ZHX2: variants seen among roughly 807,000 people sequenced by gnomAD.
ZHX2 encodes the protein zinc fingers and homeoboxes 2.
A neutral mutation model predicts 21.9 loss-of-function variants in ZHX2; 6 were observed. That is an observed-to-expected ratio of 0.27 (90% CI 0.15 to 0.54). The LOEUF (loss-of-function observed/expected upper bound fraction) is 0.54, where lower values mean the gene tolerates loss of function less well. Among genes scored for constraint, ZHX2 ranks in the 20% least tolerant of loss-of-function variants. The pLI, the probability that ZHX2 is intolerant of heterozygous loss-of-function variation, is 0.95. For synonymous variants in ZHX2, 434 were observed against 437.1 expected (o/e 0.99, Z 0.09); for missense variants, 908 against 1,090.7 (o/e 0.83, Z 2.36).
intron 2 of ZHX2, among the ~76,000 whole-genome samples, chr8:122,911,470 G>T (rs1016980979): frequency 3.9e-5 from 6 of 152,188 alleles, no homozygotes; most frequent in Non-Finnish European, 8.8e-5. Context: ...GGCAGGAGGG[G>T]AGACTGCTCT....
At chr8:122,834,308 G>A (rs1818449496) in intron 1 of ZHX2, among the ~76,000 whole-genome samples, 2 of 152,208 alleles carry the variant, frequency 1.3e-5, no homozygotes, top group Admixed American at 6.5e-5. Context: ...GGTTTTGGCC[G>A]GCTCCGGAAG....
intron 1 of ZHX2, among the ~76,000 whole-genome samples, chr8:122,791,225 C>T (rs371785861): frequency 1.3e-5 from 2 of 152,334 alleles, no homozygotes; most frequent in African/African-American, 4.8e-5. Flanking sequence ...TTGGATGCTC[C>T]AAATATCCTC....
intron 1 of ZHX2, among the ~76,000 whole-genome samples, chr8:122,809,478 C>T (rs1817883240): frequency 6.7e-6 from 1 of 149,790 alleles, no homozygotes; most frequent in African/African-American, 2.5e-5. Flanking sequence ...CCAGCCTGGG[C>T]AACAGAGTGA....
chr8:122,878,478 C>G (rs969600939), intron 2 of ZHX2, among the ~76,000 whole-genome samples: 4 of 152,094 alleles, frequency 2.6e-5, no homozygotes, highest in Non-Finnish European at 4.4e-5. Context: ...ACTGGGATGA[C>G]AGGGGTGAGT....
chr8:122,876,968 A>G (rs1819589040), intron 2 of ZHX2, among the ~76,000 whole-genome samples: 1 of 152,216 alleles, frequency 6.6e-6, no homozygotes, highest in African/African-American at 2.4e-5. Context: ...AGGCTACTCT[A>G]TGGTAACCTC....
At chr8:122,849,377 C>T (rs1215131796) in intron 1 of ZHX2, among the ~76,000 whole-genome samples, 1 of 152,180 alleles carries the variant, frequency 6.6e-6, no homozygotes, top group African/African-American at 2.4e-5. Context: ...TATTAGTTTC[C>T]TGGGGTTGCT....
At chr8:122,890,153 T>A (rs1819943524) in intron 2 of ZHX2, among the ~76,000 whole-genome samples, 3 of 152,182 alleles carry the variant, frequency 2.0e-5, no homozygotes, top group Admixed American at 2.0e-4. Flanking sequence ...GAGATAGGGA[T>A]CTAGTTTCAT....
At chr8:122,796,749 AG>A (rs946524535) in intron 1 of ZHX2, among the ~76,000 whole-genome samples, 1 of 152,218 alleles carries the variant, frequency 6.6e-6, no homozygotes, top group African/African-American at 2.4e-5. Flanking sequence ...GTGGTGGCTT[AG>A]GGACCTTGCT....
At chr8:122,922,532 A>G (rs770691782) in intron 2 of ZHX2, among the ~76,000 whole-genome samples, 1 of 152,170 alleles carries the variant, frequency 6.6e-6, no homozygotes, top group Non-Finnish European at 1.5e-5. Flanking sequence ...GGAACCTTCA[A>G]TGTTTGCCAA....
chr8:122,955,739 C>T (rs1434736896), intron 3 of ZHX2, among the ~76,000 whole-genome samples: 1 of 151,948 alleles, frequency 6.6e-6, no homozygotes, highest in Non-Finnish European at 1.5e-5. Flanking sequence ...GTCACAATGA[C>T]AGCAACTTCC....
chr8:122,839,087 G>C (rs1039321602), intron 1 of ZHX2, among the ~76,000 whole-genome samples: 8 of 151,808 alleles, frequency 5.3e-5, no homozygotes, highest in African/African-American at 1.7e-4. Context: ...TATGATTATA[G>C]AAGTTATATG....
Position 122,952,786 on chromosome 8 carries a change from G to C in ZHX2, c.1276G>C (p.Val426Leu), listed in dbSNP as rs755340704. Reference sequence around the variant, plus strand: ...ACCCAAGCGTCCACACATCGCTCAGGTGCCAGAGCCCCCACCCAAGGTGGC... The same window carrying C: ...ACCCAAGCGTCCACACATCGCTCAGCTGCCAGAGCCCCCACCCAAGGTGGC... ...PEPKRPHIAQ[V>L]PEPPPKVANP... is the part of the protein sequence containing the mutation. Residue 426 changes from valine to leucine, a missense_variant, in exon 3 of 4, where the codon GTG becomes CTG. Around this residue, in one of 4 missense-constraint regions of ZHX2, gnomAD observed 232 missense variants for 361.8 expected, o/e 0.64. Transcript: ENST00000314393. This position sits in a 1 kb window ranked among gnomAD's most constrained non-coding sequence, Gnocchi z 6.9. 6.2e-7 allele frequency: 1 copy of C among 1,614,010 alleles called. No homozygotes were observed. The highest frequency in any genetic ancestry group is 8.5e-7 in the Non-Finnish European group (1 of 1,180,008).
chr8:122,855,596 G>A (rs1819006481), intron 1 of ZHX2, among the ~76,000 whole-genome samples: 1 of 151,982 alleles, frequency 6.6e-6, no homozygotes, highest in African/African-American at 2.4e-5. Context: ...AATGTGTTAG[G>A]GAGAGAGAGT....
chr8:122,884,215 A>G (rs4871321), intron 2 of ZHX2, among the ~76,000 whole-genome samples: 1,996 of 152,340 alleles, frequency 0.013, 52 homozygotes, highest in Admixed American at 0.057. Flanking sequence ...AGACCACCAC[A>G]GTACACGTGG....
chr8:122,922,974 C>T (rs1317043855), intron 2 of ZHX2, among the ~76,000 whole-genome samples: 1 of 152,214 alleles, frequency 6.6e-6, no homozygotes, highest in African/African-American at 2.4e-5. Context: ...TGTCTTCCAG[C>T]TGACAGAGCC....
chr8:122,834,876 G>A (rs1818461296), intron 1 of ZHX2, among the ~76,000 whole-genome samples: 1 of 152,206 alleles, frequency 6.6e-6, no homozygotes, highest in Non-Finnish European at 1.5e-5. Flanking sequence ...AGTCCTGCAA[G>A]GAGACACACA....
At chr8:122,884,827 T>C (rs1210253773) in intron 2 of ZHX2, among the ~76,000 whole-genome samples, 1 of 152,114 alleles carries the variant, frequency 6.6e-6, no homozygotes. Flanking sequence ...ACAATTCTAC[T>C]TAAGAACACC....
chr8:122,811,314 G>A (rs1054890286), intron 1 of ZHX2, among the ~76,000 whole-genome samples: 5 of 152,172 alleles, frequency 3.3e-5, no homozygotes, highest in African/African-American at 1.2e-4. Context: ...CCAGGAGGTC[G>A]AGGCTGCAGT....
intron 1 of ZHX2, among the ~76,000 whole-genome samples, chr8:122,802,826 G>A (rs578112204): frequency 6.6e-6 from 1 of 152,288 alleles, no homozygotes; most frequent in African/African-American, 2.4e-5. Context: ...GCTTCTCTGG[G>A]ATACTGTGTT....
Sources: allele counts gnomAD v4.1 joint callset (sites outside exome capture counted in the v4.1 genomes callset), GRCh38; gene constraint gnomAD v4.1.1; regional missense constraint gnomAD v4.1.1; non-coding constraint Gnocchi (gnomAD v3.1); transcripts MANE v1.5; gene names NCBI Gene and HGNC (gene_info 2026-07-23, HGNC 2026-07-21).